The following ABCA8 variants were observed in gnomAD, a reference collection of about 807,000 sequenced individuals.
ABCA8 encodes ATP binding cassette subfamily A member 8.
ABCA8 carries 177 observed loss-of-function variants against 192.3 expected under a neutral mutation model. The observed-to-expected ratio is 0.92, with a 90% CI of 0.81 to 1.04. The LOEUF (loss-of-function observed/expected upper bound fraction) is 1.04, where lower values mean the gene tolerates loss of function less well. ABCA8 is among the 50% of genes least tolerant of loss of function. The probability of loss-of-function intolerance (pLI) is 0.00; values close to 1 mark genes in which losing one functional copy is unlikely to be tolerated. For missense variants in ABCA8, 1,915 were observed against 1,904.8 expected, an observed-to-expected ratio of 1.01 and a Z score of -0.10; for synonymous variants, 642 against 690.2, an observed-to-expected ratio of 0.93 and a Z score of 1.09.
intron 21 of ABCA8, among the ~76,000 whole-genome samples, chr17:68,901,127 G>A (rs535767076): frequency 1.3e-5 from 2 of 152,012 alleles, no homozygotes; most frequent in Non-Finnish European, 2.9e-5. Flanking sequence ...GACTAAAAAT[G>A]TTCACTTCTC....
chr17:68,907,244 A>T (rs1324754734), intron 18 of ABCA8, among the ~76,000 whole-genome samples: 1 of 152,186 alleles, frequency 6.6e-6, no homozygotes, highest in East Asian at 1.9e-4. Flanking sequence ...AACCACATAT[A>T]CAGCAAGGTT....
At chr17:68,884,200 G>T in intron 28 of ABCA8, 131 bp downstream of exon 28, 1 of 905,634 alleles carries the variant, frequency 1.1e-6, no homozygotes, top group Non-Finnish European at 1.6e-6. Context: ...GATTTTACAA[G>T]CATTATATCT....
intron 17 of ABCA8, among the ~76,000 whole-genome samples, chr17:68,908,099 G>A (rs535994354): frequency 6.6e-6 from 1 of 152,228 alleles, no homozygotes; most frequent in South Asian, 2.1e-4. Context: ...AAAAGAATGA[G>A]CTAATGAGAG....
At chr17:68,905,320 A>G (rs1479331816) in intron 19 of ABCA8, among the ~76,000 whole-genome samples, 2 of 152,242 alleles carry the variant, frequency 1.3e-5, no homozygotes, top group African/African-American at 4.8e-5. Context: ...GATAACGGTC[A>G]TCAGTCACAC....
chr17:68,946,178 C>T (rs1026400360), intron 2 of ABCA8, among the ~76,000 whole-genome samples: 3 of 152,016 alleles, frequency 2.0e-5, no homozygotes, highest in African/African-American at 7.3e-5. Context: ...AGCGATTCTC[C>T]TGCCTCAGTC....
In ABCA8 at chr17:68,941,333, T is replaced by C. The variant is rs371800898; in HGVS notation, c.97-371A>G. On this transcript the variant is annotated intron_variant, in intron 3 of 39. Coordinates refer to ENST00000586539, the MANE Select transcript of ABCA8 (RefSeq NM_001288985.2). ...ATCACTTTATTTCCAAAATGCATGATCTTAGGGGAAAAAACTTTACGATGT... is the reference window on the plus strand; with the variant it reads ...ATCACTTTATTTCCAAAATGCATGACCTTAGGGGAAAAAACTTTACGATGT... Among the ~76,000 whole-genome samples the C allele has an allele frequency of 2.0e-3, 304 of 152,260 alleles. 2 individuals carry two copies. Among genetic ancestry groups the C allele is most frequent in the African/African-American group, 7.1e-3 (296 of 41,564 alleles).
At chr17:68,897,075 A>T (rs1393276895) in intron 21 of ABCA8, among the ~76,000 whole-genome samples, 3 of 152,172 alleles carry the variant, frequency 2.0e-5, no homozygotes, top group Non-Finnish European at 4.4e-5. Flanking sequence ...AATGTTTCAG[A>T]TGAGAGGGAA....
At chr17:68,890,181 G>A (rs1301095376) in intron 24 of ABCA8, among the ~76,000 whole-genome samples, 1 of 152,164 alleles carries the variant, frequency 6.6e-6, no homozygotes, top group Non-Finnish European at 1.5e-5. Context: ...CAATGCATGA[G>A]AGTTCCGGTT....
chr17:68,924,932 G>T, intron 10 of ABCA8, 63 bp from the exon 11 acceptor site: 1 of 1,540,606 alleles, frequency 6.5e-7, no homozygotes. Flanking sequence ...GAGAGTCACA[G>T]TAATGTAGCA....
At chr17:68,884,014 C>A (rs1395644989) in intron 28 of ABCA8, 132 bp from the exon 29 acceptor site, 12 of 649,844 alleles carry the variant, frequency 1.8e-5, no homozygotes, top group Non-Finnish European at 3.1e-5. Flanking sequence ...AATAACCTAT[C>A]CAGCAAATTG....
At chr17:68,897,957 A>G (rs1252543349) in intron 21 of ABCA8, among the ~76,000 whole-genome samples, 1 of 152,184 alleles carries the variant, frequency 6.6e-6, no homozygotes, top group Non-Finnish European at 1.5e-5. Flanking sequence ...ATGACTGAAA[A>G]CTTACCAAAT....
chr17:68,891,190 A>G (rs532357214), intron 24 of ABCA8, among the ~76,000 whole-genome samples: 15 of 152,204 alleles, frequency 9.9e-5, no homozygotes, highest in Admixed American at 6.5e-4. Context: ...CTTAATTACT[A>G]CAAGTTTGTA....
chr17:68,948,115 T>C (rs779109737), intron 2 of ABCA8, among the ~76,000 whole-genome samples: 3 of 152,246 alleles, frequency 2.0e-5, no homozygotes, highest in Non-Finnish European at 4.4e-5. Flanking sequence ...ATGGTGTATA[T>C]GTGCCACACT....
intron 26 of ABCA8, among the ~76,000 whole-genome samples, chr17:68,885,580 C>T (rs527889175): frequency 2.6e-5 from 4 of 151,462 alleles, no homozygotes; most frequent in South Asian, 4.2e-4. Flanking sequence ...TGGAGTCTTG[C>T]TCTGTTGCCC....
At position 68,891,575 on chromosome 17, in the gene ABCA8, C is replaced by G. The variant is rs575143135; in HGVS notation, c.3058G>C (p.Gly1020Arg). ...FLENGQDNPI[G>R]FLAYIMFWLV... ...CAGAACATGATATATGCCAGGAATC[C>G]GATTGGATTGTCCTGTCCATTCTGA... Residue 1020 changes from glycine to arginine, a missense_variant, in exon 24 of 40, where the codon GGA becomes CGA. By Grantham distance (125) the Gly-to-Arg change is moderately radical (BLOSUM62 -2). Coordinates refer to ENST00000586539, the MANE Select transcript of ABCA8 (RefSeq NM_001288985.2). 3 of 1,612,162 alleles carry G rather than the reference C, an allele frequency of 1.9e-6. No homozygotes were observed. The highest frequency in any genetic ancestry group is 1.3e-5 in the African/African-American group (1 of 74,840).
At chr17:68,920,500 C>A (rs897994660) in intron 13 of ABCA8, among the ~76,000 whole-genome samples, 1 of 151,224 alleles carries the variant, frequency 6.6e-6, no homozygotes, top group South Asian at 2.1e-4. Flanking sequence ...AACTAATGAG[C>A]ATGAAAATAG....
At position 68,894,255 on chromosome 17, in the gene ABCA8, A is replaced by T. The variant is rs1475760235; in HGVS notation, c.2954T>A (p.Leu985His). The T allele has an allele frequency of 1.2e-6, 2 of 1,612,744 alleles. No homozygotes were observed. The highest frequency in any genetic ancestry group is 4.5e-5 in the East Asian group (2 of 44,758). ...TAGCCCATTACTAACAATGTCCATA[A>T]GAACTGGGAAGCAATTCAATCTTTT... The part of the protein sequence containing the change: ...NAKRLNCFPV[L>H]MDIVSNGLLG... The change falls in exon 23 of 40, where the codon CTT (leucine) becomes CAT (histidine). Residue 985 changes from leucine (L) to histidine (H), a missense_variant. Transcript: ENST00000586539.
At chr17:68,917,205 A>G (rs1376128513) in intron 17 of ABCA8, among the ~76,000 whole-genome samples, 156 bp downstream of exon 17, 1 of 152,204 alleles carries the variant, frequency 6.6e-6, no homozygotes, top group Admixed American at 6.5e-5. Context: ...CAGGAGGCGG[A>G]GCTTGCAGTG....
chr17:68,921,520 A>G (rs1366541426), intron 12 of ABCA8, 28 bp from the exon 13 acceptor site: 3 of 1,477,518 alleles, frequency 2.0e-6, no homozygotes, highest in Admixed American at 1.7e-5. Flanking sequence ...AAGGAAAGAA[A>G]GATAAGATAA....
Sources: allele counts gnomAD v4.1 joint callset (sites outside exome capture counted in the v4.1 genomes callset), GRCh38; gene constraint gnomAD v4.1.1; transcripts MANE v1.5; gene names NCBI Gene and HGNC (gene_info 2026-07-23, HGNC 2026-07-21).